The following KLHL7 variants were observed in gnomAD, a reference collection of about 807,000 sequenced individuals.
KLHL7 encodes kelch-like protein 7.
KLHL7 carries 44 observed loss-of-function variants against 67.4 expected under a neutral mutation model. The ratio of observed to expected loss-of-function variants is 0.65; its 90% CI spans 0.51 to 0.84. The LOEUF (loss-of-function observed/expected upper bound fraction) is 0.84. KLHL7 is among the 40% of genes least tolerant of loss of function. The pLI is 0.00. For synonymous variants in KLHL7, 252 were observed against 243.3 expected, an observed-to-expected ratio of 1.04 and a Z score of -0.33; for missense variants, 362 against 718.1, an observed-to-expected ratio of 0.50 and a Z score of 5.67.
intron 1 of KLHL7, among the ~76,000 whole-genome samples, chr7:23,117,528 G>A (rs936637600): frequency 6.6e-6 from 1 of 152,132 alleles, no homozygotes; most frequent in African/African-American, 2.4e-5. Context: ...CCTTTGCAAA[G>A]CTGTTTGGCC....
intron 9 of KLHL7, among the ~76,000 whole-genome samples, chr7:23,171,912 T>C (rs1014686954): frequency 1.3e-5 from 2 of 152,198 alleles, no homozygotes; most frequent in African/African-American, 2.4e-5. Context: ...GGTTTCACCG[T>C]GTTAGCCAGG....
intron 4 of KLHL7, among the ~76,000 whole-genome samples, chr7:23,130,279 A>G (rs1019519934): frequency 5.9e-5 from 9 of 152,220 alleles, no homozygotes; most frequent in Non-Finnish European, 1.2e-4. Flanking sequence ...AAGTTTTTGC[A>G]TAGAGATATT....
intron 7 of KLHL7, among the ~76,000 whole-genome samples, chr7:23,159,245 C>A (rs1318832806): frequency 6.6e-6 from 1 of 152,072 alleles, no homozygotes; most frequent in Admixed American, 6.5e-5. Context: ...ATCACTGCAG[C>A]CTTAACCTCC....
chr7:23,120,074 A>G (rs1478213301), intron 1 of KLHL7, among the ~76,000 whole-genome samples: 2 of 152,074 alleles, frequency 1.3e-5, no homozygotes, highest in African/African-American at 2.4e-5. Context: ...CCGTGGCACA[A>G]TCTCGGCTCA....
chr7:23,128,747 C>T (rs1783681668), intron 4 of KLHL7, among the ~76,000 whole-genome samples: 1 of 152,104 alleles, frequency 6.6e-6, no homozygotes, highest in South Asian at 2.1e-4. Context: ...AGTCACTCCC[C>T]ATTCTTCCTC....
intron 1 of KLHL7, among the ~76,000 whole-genome samples, chr7:23,121,232 G>A (rs982517083): frequency 5.9e-5 from 9 of 151,870 alleles, no homozygotes; most frequent in South Asian, 2.1e-4. Context: ...TTATCAATTC[G>A]TCTATCACTG....
Position 23,151,086 on chromosome 7 carries a change from A to G in KLHL7, c.794-981A>G, listed in dbSNP as rs1196881317. 2.0e-5 allele frequency among the ~76,000 whole-genome samples: 3 copies of G among 150,658 alleles called. No individual in the cohort carries two copies. In the East Asian group the frequency reaches 5.8e-4, roughly 29 times the overall value. On this transcript the variant is annotated intron_variant, in intron 6 of 10. Coordinates refer to ENST00000339077, the MANE Select transcript of KLHL7 (RefSeq NM_001031710.3). ...AACTTAAACAAAATTTCATATAGTT[A>G]AGTCTGAACAATTTTTTCTGGCTCC...
chr7:23,119,105 G>C (rs1024542541), intron 1 of KLHL7, among the ~76,000 whole-genome samples: 1 of 152,102 alleles, frequency 6.6e-6, no homozygotes, highest in Non-Finnish European at 1.5e-5. Context: ...AGAAAGTATA[G>C]TATTTAAATT....
chr7:23,147,509 C>T (rs1784396689), intron 6 of KLHL7, among the ~76,000 whole-genome samples: 1 of 152,168 alleles, frequency 6.6e-6, no homozygotes, highest in Admixed American at 6.5e-5. Context: ...TCTGAAGTCC[C>T]TGAGGAACAG....
chr7:23,136,414 G>C (rs1423409338), intron 4 of KLHL7, among the ~76,000 whole-genome samples: 1 of 152,164 alleles, frequency 6.6e-6, no homozygotes, highest in Non-Finnish European at 1.5e-5. Flanking sequence ...ACACAGAAAG[G>C]GAATTTATGG....
At chr7:23,110,586 A>G (rs1404610760) in intron 1 of KLHL7, among the ~76,000 whole-genome samples, 1 of 151,892 alleles carries the variant, frequency 6.6e-6, no homozygotes. Context: ...AGCTGAGTAA[A>G]TTCACTACAT....
chr7:23,172,761 G>A lies in KLHL7; in HGVS notation c.1380-187G>A, dbSNP rs563190658. 1.2e-3 allele frequency: 654 copies of A among 530,400 alleles called. 1 individual carries two copies. The highest frequency in any genetic ancestry group is 1.7e-3 in the Non-Finnish European group (511 of 295,798). 32.9% of individuals were successfully genotyped at this position (530,400 alleles called of 1,614,324 possible). ...AAGGAATAAAATCCATGTTTTCCCC[G>A]TGTATTAATAAATTACCCATAATCA... On this transcript the variant is annotated intron_variant, in intron 9 of 10. Coordinates refer to ENST00000339077, the MANE Select transcript of KLHL7 (RefSeq NM_001031710.3).
chr7:23,157,890 CAG>C (rs761924082), intron 7 of KLHL7, among the ~76,000 whole-genome samples: 2 of 152,126 alleles, frequency 1.3e-5, no homozygotes, highest in South Asian at 2.1e-4. Context: ...AGAGTGGAAA[CAG>C]AGCTGCACAT....
intron 4 of KLHL7, among the ~76,000 whole-genome samples, chr7:23,137,105 G>A (rs1434824085): frequency 6.6e-6 from 1 of 152,046 alleles, no homozygotes; most frequent in Non-Finnish European, 1.5e-5. Context: ...GCCAACATGG[G>A]GAAATCGCAT....
chr7:23,133,075 G>T (rs1475013197), intron 4 of KLHL7, among the ~76,000 whole-genome samples: 7 of 152,146 alleles, frequency 4.6e-5, no homozygotes, highest in Admixed American at 4.6e-4. Flanking sequence ...TGGGTAATGT[G>T]ATTTCTCCAG....
At chr7:23,127,706 A>C in intron 4 of KLHL7, among the ~76,000 whole-genome samples, 1 of 151,984 alleles carries the variant, frequency 6.6e-6, no homozygotes, top group Non-Finnish European at 1.5e-5. Flanking sequence ...TCTCTACCAA[A>C]AAAATACAAA....
intron 1 of KLHL7, among the ~76,000 whole-genome samples, chr7:23,117,245 G>C (rs935356055): frequency 6.6e-6 from 1 of 151,676 alleles, no homozygotes; most frequent in East Asian, 1.9e-4. Context: ...GCACCACCAC[G>C]CCTGGCTAAT....
At chr7:23,160,848 C>A (rs1247989425) in intron 7 of KLHL7, among the ~76,000 whole-genome samples, 1 of 152,116 alleles carries the variant, frequency 6.6e-6, no homozygotes, top group African/African-American at 2.4e-5. Flanking sequence ...TTGACATGAT[C>A]AAGTGTTTGC....
intron 4 of KLHL7, among the ~76,000 whole-genome samples, chr7:23,139,088 T>TAAAAAAAAA (rs60821313): frequency 7.7e-6 from 1 of 129,860 alleles, no homozygotes; most frequent in Non-Finnish European, 1.7e-5. Context: ...TTATTAATGC[T>TAAAAAAAAA]AAAAAAAAAA....
Sources: gnomAD v4.1 joint callset for allele counts (sites outside exome capture counted in the v4.1 genomes callset) on GRCh38, gnomAD v4.1.1 for gene constraint, MANE v1.5 for transcripts, NCBI Gene and HGNC (gene_info 2026-07-23, HGNC 2026-07-21) for gene names.